Variants in TMEM223 observed in about 807,000 individuals in gnomAD.
The protein encoded by TMEM223 is transmembrane protein 223.
In TMEM223, 14 loss-of-function variants were observed where a neutral mutation model predicts 14.1. That is an observed-to-expected ratio of 0.99 (90% CI 0.66 to 1.55). TMEM223 has a LOEUF of 1.55. Among genes scored for constraint, TMEM223 ranks in the 40% most tolerant of loss-of-function variants. The pLI, the probability that TMEM223 is intolerant of heterozygous loss-of-function variation, is 0.00. For synonymous variants in TMEM223, 145 were observed against 120.5 expected (o/e 1.20, Z -1.33); for missense variants, 346 against 269.9 (o/e 1.28, Z -1.97).
chr11:62,776,018 A>G, intron 1 of TMEM223: 2 of 1,459,462 alleles, frequency 1.4e-6, no homozygotes, highest in South Asian at 1.4e-5. Flanking sequence ...ATTCAAGTGT[A>G]CACTGGGTGC....
At chr11:62,785,827 G>A (rs1401598105), downstream of TMEM223, among the ~76,000 whole-genome samples, 2 of 152,212 alleles carry the variant, frequency 1.3e-5, no homozygotes, top group South Asian at 2.1e-4. Context: ...GAGCCACAGC[G>A]CCTGTCCAAT....
rs559891516 is a variant in TMEM223, at chr11:62,777,907, G to T, written c.315-3242C>A. 1.7e-5 allele frequency: 27 copies of T among 1,561,800 alleles called. No homozygotes were observed. In the South Asian group the frequency reaches 3.2e-4, roughly 19 times the overall value. On this transcript the variant is annotated intron_variant, in intron 1 of 2. Coordinates refer to the TMEM223 transcript ENST00000528367. ...TGGGCTCTCTGCTCTGGTCAGTGGA[G>T]CCTCATCCTGGATCCTGACGCCTGC...
chr11:62,776,344 T>G, intron 1 of TMEM223: 1 of 1,607,864 alleles, frequency 6.2e-7, no homozygotes, highest in Non-Finnish European at 8.5e-7. Flanking sequence ...GCCCCCTGCT[T>G]CACATCCTTT....
chr11:62,787,419 T>G, downstream of TMEM223: 1 of 1,557,062 alleles, frequency 6.4e-7, no homozygotes, highest in Non-Finnish European at 8.6e-7. Context: ...CGCTTCCTGG[T>G]GGTCAGGGCG....
downstream of TMEM223, among the ~76,000 whole-genome samples, chr11:62,788,242 A>G (rs1431726883): frequency 6.6e-6 from 1 of 151,864 alleles, no homozygotes; most frequent in Non-Finnish European, 1.5e-5. Context: ...GTCTCTACTA[A>G]AAATACAAAA....
chr11:62,787,410 G>A (rs1334057889), downstream of TMEM223: 8 of 1,555,118 alleles, frequency 5.1e-6, no homozygotes, highest in Admixed American at 7.6e-5. Context: ...CTGCAGCGGC[G>A]CTTCCTGGTG....
chr11:62,777,888 C>T (rs367890257), intron 1 of TMEM223: 1 of 1,477,820 alleles, frequency 6.8e-7, no homozygotes, highest in African/African-American at 1.4e-5. Context: ...AACGTGGGCT[C>T]TCTGCTCTGG....
chr11:62,786,757 C>A (rs1263068276), downstream of TMEM223: 6 of 1,612,940 alleles, frequency 3.7e-6, no homozygotes, highest in Admixed American at 8.3e-5. Context: ...CTACCGGGAG[C>A]TCTACGCCTT....
chr11:62,775,708 A>T (rs542242), intron 1 of TMEM223: 2 of 1,520,154 alleles, frequency 1.3e-6, no homozygotes, highest in Non-Finnish European at 1.8e-6. Context: ...AGGGTGTTGG[A>T]TCACACTCCT....
rs775118040 is a variant in TMEM223 at position 62,790,642 on chromosome 11, C to T, written c.590G>A (p.Gly197Asp). 1.1e-5 allele frequency: 18 copies of T among 1,609,872 alleles called. No individual in the cohort carries two copies. The highest frequency in any genetic ancestry group is 1.1e-4 in the South Asian group (10 of 90,606). Reference sequence around the variant, plus strand: ...ATTTCTTCACAAGCTCCGGTAGGCACCCACAGTATTGTCAAAGAGTTTTGT... The same window carrying T: ...ATTTCTTCACAAGCTCCGGTAGGCATCCACAGTATTGTCAAAGAGTTTTGT... ...PNTKLFDNTVGAYRSL is the reference protein window; with the variant it reads ...PNTKLFDNTVDAYRSL Residue 197 changes from glycine to aspartate, a missense_variant, in exon 2 of 2, where the codon GGT becomes GAT. Transcript: ENST00000307366.
At chr11:62,777,284 G>A (rs990413744) in intron 1 of TMEM223, among the ~76,000 whole-genome samples, 8 of 152,210 alleles carry the variant, frequency 5.3e-5, no homozygotes, top group East Asian at 3.9e-4. Context: ...CCGAGATCAC[G>A]CCACTGCATT....
At chr11:62,787,215 G>T (rs751078026), downstream of TMEM223, 3 of 1,588,052 alleles carry the variant, frequency 1.9e-6, no homozygotes, top group South Asian at 3.3e-5. Flanking sequence ...GCTACGTGCA[G>T]AAACTGCCCA....
downstream of TMEM223, chr11:62,787,301 G>C: frequency 6.5e-7 from 1 of 1,535,560 alleles, no homozygotes; most frequent in South Asian, 1.2e-5. Flanking sequence ...CTCTGAGTCA[G>C]TGGCCCCTTC....
chr11:62,779,873 C>G (rs1421854224), intron 1 of TMEM223, among the ~76,000 whole-genome samples: 1 of 135,468 alleles, frequency 7.4e-6, no homozygotes, highest in African/African-American at 2.7e-5. Context: ...ACCGTGTTGG[C>G]CAGGCTGGTC....
chr11:62,787,520 G>A (rs1478755452), downstream of TMEM223: 1 of 1,571,444 alleles, frequency 6.4e-7, no homozygotes, highest in Non-Finnish European at 8.6e-7. Context: ...GCGATGACTC[G>A]GACCCAGGTG....
At chr11:62,785,483 C>T (rs903345031), downstream of TMEM223, among the ~76,000 whole-genome samples, 1 of 151,716 alleles carries the variant, frequency 6.6e-6, no homozygotes, top group African/African-American at 2.4e-5. Context: ...TGAGCCACAG[C>T]GCCCGGCTGG....
intron 1 of TMEM223, chr11:62,777,897 G>T: frequency 6.6e-7 from 1 of 1,521,386 alleles, no homozygotes; most frequent in South Asian, 1.2e-5. Flanking sequence ...TCTCTGCTCT[G>T]GTCAGTGGAG....
At chr11:62,776,389 C>T (rs372678134) in intron 1 of TMEM223, 3 of 1,613,386 alleles carry the variant, frequency 1.9e-6, no homozygotes, top group Non-Finnish European at 2.5e-6. Flanking sequence ...CCCAGAATAG[C>T]TCTCAGTTCA....
At position 62,789,978 on chromosome 11, in the gene TMEM223, G is replaced by A; in HGVS notation, c.*645C>T. 1 of 1,614,164 alleles carries A rather than the reference G, an allele frequency of 6.2e-7. No homozygotes were observed. The highest frequency in any genetic ancestry group is 8.5e-7 in the Non-Finnish European group (1 of 1,180,022). On this transcript the variant is annotated 3_prime_UTR_variant, in exon 2 of 2. Coordinates refer to ENST00000307366, the MANE Select transcript of TMEM223 (RefSeq NM_001080501.3). ...CTGAAGCCACCCCATACCGGCCTCT[G>A]GAGAGGGGTGACCCTGAGTGGAGCT... is the stretch of plus-strand genomic sequence containing the variant.
Sources: gnomAD v4.1 joint callset for allele counts (sites outside exome capture counted in the v4.1 genomes callset) on GRCh38, gnomAD v4.1.1 for gene constraint, MANE v1.5 for transcripts, NCBI Gene and HGNC (gene_info 2026-07-23, HGNC 2026-07-21) for gene names.